NRXN3: variants seen among roughly 807,000 people sequenced by gnomAD.
The protein encoded by NRXN3 is neurexin III.
Under a neutral mutation model 137.6 loss-of-function variants are expected in NRXN3, and 32 were observed. That is an observed-to-expected ratio of 0.23 (90% CI 0.18 to 0.31). The LOEUF is 0.31. Among genes scored for constraint, NRXN3 ranks in the 10% least tolerant of loss-of-function variants. NRXN3 has a pLI of 1.00. For missense variants in NRXN3, 1,574 were observed against 2,062.5 expected, an observed-to-expected ratio of 0.76 and a Z score of 4.59; for synonymous variants, 798 against 784.5, an observed-to-expected ratio of 1.02 and a Z score of -0.29.
At chr14:78,665,548 T>G (rs1285550734) in intron 6 of NRXN3, among the ~76,000 whole-genome samples, 1 of 152,084 alleles carries the variant, frequency 6.6e-6, no homozygotes, top group Non-Finnish European at 1.5e-5. Context: ...GAGACTTGGG[T>G]GGGGACACAG....
intron 4 of NRXN3, among the ~76,000 whole-genome samples, chr14:78,570,307 A>G (rs113817614): frequency 7.2e-5 from 11 of 152,334 alleles, no homozygotes; most frequent in African/African-American, 2.6e-4. Flanking sequence ...GAAGAGGGCT[A>G]TCACCAGAAG....
intron 6 of NRXN3, among the ~76,000 whole-genome samples, chr14:78,678,319 CTT>C (rs398025853): frequency 2.1e-5 from 3 of 143,206 alleles, no homozygotes; most frequent in East Asian, 2.0e-4. Context: ...ATGCTCCATA[CTT>C]TTTTTTTTTT....
chr14:79,487,624 T>C (rs1179349040), intron 16 of NRXN3, among the ~76,000 whole-genome samples: 1 of 146,064 alleles, frequency 6.8e-6, no homozygotes, highest in Non-Finnish European at 1.5e-5. Context: ...CCTCCAGAAG[T>C]CTACCCAGCC....
chr14:79,429,179 C>T (rs2095705156), intron 15 of NRXN3, among the ~76,000 whole-genome samples: 1 of 152,052 alleles, frequency 6.6e-6, no homozygotes, highest in African/African-American at 2.4e-5. Flanking sequence ...ATGAGCTCTT[C>T]TTGTATATGT....
chr14:79,319,667 G>T lies in NRXN3; in HGVS notation c.3263-147554G>T, dbSNP rs189777785. On this transcript the variant is annotated intron_variant, in intron 15 of 20. Coordinates refer to ENST00000335750, the MANE Select transcript of NRXN3 (RefSeq NM_001330195.2). ...CACTGGTGATATAGAGCCTTTCCTG[G>T]ACAGATTTTTATCTTTTTTGAGTAA... Among the ~76,000 whole-genome samples the T allele has an allele frequency of 1.8e-3, 272 of 152,240 alleles. 1 individual carries two copies. The highest frequency in any genetic ancestry group is 2.2e-3 in the Non-Finnish European group (149 of 68,002).
At chr14:79,677,679 G>A (rs1227313211) in intron 17 of NRXN3, among the ~76,000 whole-genome samples, 5 of 152,094 alleles carry the variant, frequency 3.3e-5, no homozygotes, top group Admixed American at 3.3e-4. Context: ...CTACAAGTAG[G>A]TCTATAAAGG....
chr14:78,851,178 G>T (rs956899215), intron 10 of NRXN3, among the ~76,000 whole-genome samples: 2 of 152,130 alleles, frequency 1.3e-5, no homozygotes, highest in Non-Finnish European at 2.9e-5. Flanking sequence ...CAAGTCAGAG[G>T]GAAGGAGATC....
chr14:79,033,498 AG>A (rs1204827083), intron 15 of NRXN3, among the ~76,000 whole-genome samples: 2 of 152,108 alleles, frequency 1.3e-5, no homozygotes, highest in African/African-American at 4.8e-5. Flanking sequence ...GGTATCTTCC[AG>A]ATGTTCATAG....
At chr14:79,559,188 T>C (rs1159816537) in intron 16 of NRXN3, among the ~76,000 whole-genome samples, 1 of 152,196 alleles carries the variant, frequency 6.6e-6, no homozygotes, top group Non-Finnish European at 1.5e-5. Context: ...AGTAGGACTT[T>C]CACTTTTCTT....
At chr14:78,301,103 G>A (rs1448604011) in intron 4 of NRXN3, among the ~76,000 whole-genome samples, 1 of 152,084 alleles carries the variant, frequency 6.6e-6, no homozygotes. Context: ...GATGATAGAT[G>A]AGAAAGGGAG....
chr14:79,569,626 TGTGTGAGA>T (rs1189370008), intron 16 of NRXN3, among the ~76,000 whole-genome samples: 8 of 147,008 alleles, frequency 5.4e-5, no homozygotes, highest in African/African-American at 2.1e-4. Context: ...TGTGTGTGTG[TGTGTGAGA>T]GAGAGAGAGA....
intron 15 of NRXN3, among the ~76,000 whole-genome samples, chr14:79,092,964 ATGAG>A: frequency 6.6e-6 from 1 of 152,300 alleles, no homozygotes; most frequent in South Asian, 2.1e-4. Flanking sequence ...GTTGCGGGTT[ATGAG>A]TGTGTCCAGA....
At chr14:78,642,222 G>GAGTACC (rs2097642491) in intron 4 of NRXN3, among the ~76,000 whole-genome samples, 1 of 152,252 alleles carries the variant, frequency 6.6e-6, no homozygotes, top group South Asian at 2.1e-4. Context: ...CCCAAGCCCA[G>GAGTACC]AGTACCACAA....
intron 19 of NRXN3, among the ~76,000 whole-genome samples, chr14:79,783,784 C>G (rs1474587050): frequency 6.6e-6 from 1 of 152,120 alleles, no homozygotes; most frequent in African/African-American, 2.4e-5. Context: ...GCAGATTAAG[C>G]CTTAGCACTC....
At chr14:79,145,671 G>A (rs974439150) in intron 15 of NRXN3, among the ~76,000 whole-genome samples, 1 of 152,110 alleles carries the variant, frequency 6.6e-6, no homozygotes, top group Non-Finnish European at 1.5e-5. Context: ...CTCTTTCAAT[G>A]CACAACTCCC....
At chr14:79,198,914 T>A (rs78562454) in intron 15 of NRXN3, among the ~76,000 whole-genome samples, 4 of 152,106 alleles carry the variant, frequency 2.6e-5, no homozygotes, top group Non-Finnish European at 4.4e-5. Flanking sequence ...ACGCCTGTAA[T>A]CCAGCACTTT....
At chr14:78,905,568 A>G (rs1167511591) in intron 10 of NRXN3, among the ~76,000 whole-genome samples, 2 of 152,042 alleles carry the variant, frequency 1.3e-5, no homozygotes, top group South Asian at 2.1e-4. Flanking sequence ...TACAAAGCCT[A>G]TTAATATTTT....
At chr14:78,624,677 G>A (rs1385378210) in intron 4 of NRXN3, among the ~76,000 whole-genome samples, 1 of 152,166 alleles carries the variant, frequency 6.6e-6, no homozygotes, top group Non-Finnish European at 1.5e-5. Flanking sequence ...ATAGATTGGA[G>A]AGCAATACAC....
intron 15 of NRXN3, among the ~76,000 whole-genome samples, chr14:79,210,834 A>G (rs1216363060): frequency 6.6e-6 from 1 of 152,106 alleles, no homozygotes; most frequent in African/African-American, 2.4e-5. Context: ...TCTTCGTAGT[A>G]TTTGGTGGGA....
Sources: allele counts gnomAD v4.1 joint callset (sites outside exome capture counted in the v4.1 genomes callset), GRCh38; gene constraint gnomAD v4.1.1; transcripts MANE v1.5; gene names NCBI Gene and HGNC (gene_info 2026-07-23, HGNC 2026-07-21).